Variants in NGEF observed in about 807,000 individuals in gnomAD.
NGEF encodes ephexin-1.
Under a neutral mutation model 80.9 loss-of-function variants are expected in NGEF, and 31 were observed. The ratio of observed to expected loss-of-function variants is 0.38; its 90% CI spans 0.29 to 0.52. NGEF has a LOEUF of 0.52. Ranked by LOEUF, NGEF falls within the 20% of genes least tolerant of loss-of-function variation. The pLI is 0.84. For synonymous variants in NGEF, 371 were observed against 370.2 expected, an observed-to-expected ratio of 1.00 and a Z score of -0.03; for missense variants, 709 against 926.2, an observed-to-expected ratio of 0.77 and a Z score of 3.04.
intron 3 of NGEF, among the ~76,000 whole-genome samples, chr2:232,945,489 A>G (rs13400104): frequency 0.13 from 19,671 of 152,084 alleles, 1,634 homozygotes; most frequent in Non-Finnish European, 0.17. Context: ...AGACACAGAC[A>G]CAGACACAGA....
At chr2:232,887,312 G>A (rs1056011332) in intron 9 of NGEF, among the ~76,000 whole-genome samples, 2 of 152,204 alleles carry the variant, frequency 1.3e-5, no homozygotes, top group Non-Finnish European at 1.5e-5. Flanking sequence ...AAACATACTC[G>A]CTGGCCCTTC....
intron 1 of NGEF, among the ~76,000 whole-genome samples, chr2:232,981,147 G>A (rs1694408455): frequency 1.5e-5 from 1 of 67,974 alleles, no homozygotes; most frequent in Admixed American, 1.4e-4. Flanking sequence ...GGCCTCCCAA[G>A]CACCTGGAAT....
Position 232,982,361 on chromosome 2 carries a change from G to A in NGEF, c.-74-7397C>T, listed in dbSNP as rs575194773. Among the ~76,000 whole-genome samples the A allele has an allele frequency of 2.2e-4, 34 of 152,226 alleles. 1 individual carries two copies. The South Asian group carries it at 7.1e-3, about 32-fold the overall frequency. ...AAGGGCTTGAACCTACCATCAAGGG[G>A]GCAGGAAGATGGGGCTTATTGAGGC... is the stretch of plus-strand genomic sequence containing the variant. On this transcript the variant is annotated intron_variant, in intron 1 of 14. Transcript: ENST00000264051.
At position 232,970,206 on chromosome 2, in the gene NGEF, T is replaced by A. The variant is rs192304791; in HGVS notation, c.383+8A>T. 25 of 1,528,006 alleles carry A rather than the reference T, an allele frequency of 1.6e-5. No individual in the cohort carries two copies. In the East Asian group the frequency reaches 5.9e-4, roughly 36 times the overall value. 94.7% of individuals were successfully genotyped at this position (1,528,006 alleles called of 1,614,324 possible). On this transcript the variant is annotated splice_region_variant and intron_variant, in intron 3 of 14. Coordinates refer to ENST00000264051, the MANE Select transcript of NGEF (RefSeq NM_019850.3). ...GACCAGCATTCCTCATGATCTGCCA[T>A]CTCTTACCTCATTTCCTGGGCTCCT...
chr2:232,985,527 C>T (rs1021493921), intron 1 of NGEF, among the ~76,000 whole-genome samples: 17 of 150,550 alleles, frequency 1.1e-4, no homozygotes, highest in Admixed American at 9.9e-4. Context: ...CTGAGGCGGG[C>T]GGATCACGAG....
intron 12 of NGEF, 87 bp from the exon 13 acceptor site, chr2:232,882,352 C>T: frequency 8.3e-7 from 1 of 1,201,312 alleles, no homozygotes; most frequent in Non-Finnish European, 1.2e-6. Flanking sequence ...CTAGCTGCCC[C>T]TCGGATCTGC....
chr2:232,935,437 G>T (rs1693309345), intron 3 of NGEF, among the ~76,000 whole-genome samples: 1 of 152,140 alleles, frequency 6.6e-6, no homozygotes, highest in Non-Finnish European at 1.5e-5. Flanking sequence ...GGCCAACATG[G>T]TAAAACCCTG....
intron 5 of NGEF, among the ~76,000 whole-genome samples, chr2:232,902,340 G>A (rs777584405): frequency 6.6e-6 from 1 of 152,190 alleles, no homozygotes; most frequent in Non-Finnish European, 1.5e-5. Flanking sequence ...GCCAGAGCCC[G>A]AGCCCAGCCC....
At chr2:232,966,613 CA>C (rs1694064095) in intron 3 of NGEF, among the ~76,000 whole-genome samples, 2 of 54,026 alleles carry the variant, frequency 3.7e-5, no homozygotes, top group Admixed American at 2.8e-4. Context: ...AGCACCCTGA[CA>C]ACTCCCCCAA....
intron 1 of NGEF, among the ~76,000 whole-genome samples, chr2:232,997,134 G>A (rs904673295): frequency 7.2e-5 from 9 of 124,462 alleles, no homozygotes; most frequent in African/African-American, 2.4e-4. Context: ...TTCTCACTCC[G>A]GCACTGGCCT....
chr2:232,891,394 A>C lies in NGEF; in HGVS notation c.1236T>G (p.Pro412=), dbSNP rs1402096174. The C allele has an allele frequency of 6.2e-6, 10 of 1,613,558 alleles. No homozygotes were observed. Among genetic ancestry groups the C allele is most frequent in the Non-Finnish European group, 7.6e-6 (9 of 1,179,976 alleles). ...GCTTGAGGCGTGTGATCCTCTGGAAAGGCAGGATGAGGAAGGAGGAGAAGG... is the reference window on the plus strand; with the variant it reads ...GCTTGAGGCGTGTGATCCTCTGGAACGGCAGGATGAGGAAGGAGGAGAAGG... The part of the protein sequence containing the change: ...GLPFSSFLIL[P]FQRITRLKLL... The change falls in exon 8 of 15, where the codon CCT becomes CCG. Residue 412 remains proline (P), a synonymous_variant. Transcript: ENST00000264051.
intron 10 of NGEF, 44 bp from the exon 11 acceptor site, chr2:232,884,188 C>T (rs1428690601): frequency 6.6e-7 from 1 of 1,525,472 alleles, no homozygotes; most frequent in Non-Finnish European, 8.8e-7. Context: ...CCCACAATGT[C>T]CCTCCCCAGG....
chr2:232,948,504 C>T (rs1693608953), intron 3 of NGEF, among the ~76,000 whole-genome samples: 1 of 151,956 alleles, frequency 6.6e-6, no homozygotes, highest in South Asian at 2.1e-4. Flanking sequence ...TAGTTTCACA[C>T]AGTTTAGGGG....
At position 232,927,834 on chromosome 2, in the gene NGEF, G is replaced by A; in HGVS notation, c.384-648C>T. ...GGGGTGCCCGGGACCCCGGGCGCAA[G>A]CTGGGAAAGAGGCACGCGGGGGCGG... On this transcript the variant is annotated intron_variant, in intron 3 of 14. Coordinates refer to ENST00000264051, the MANE Select transcript of NGEF (RefSeq NM_019850.3). 6.1e-6 allele frequency: 7 copies of A among 1,155,174 alleles called. 1 individual carries two copies. The highest frequency in any genetic ancestry group is 2.2e-6 in the Non-Finnish European group (2 of 915,850). The allele number at this position is 1,155,174 out of a possible 1,614,324, so 71.6% of individuals were successfully genotyped here. A position where few individuals can be genotyped will look rare whatever the true frequency, so the allele number is the denominator to read the frequency against.
chr2:232,979,513 A>G (rs1049697895), intron 1 of NGEF, among the ~76,000 whole-genome samples: 1 of 152,192 alleles, frequency 6.6e-6, no homozygotes, highest in Admixed American at 6.5e-5. Context: ...ATTCGTCTAT[A>G]ACGATTAACT....
intron 3 of NGEF, among the ~76,000 whole-genome samples, chr2:232,953,351 AAG>A (rs1035330510): frequency 2.2e-5 from 3 of 138,764 alleles, no homozygotes; most frequent in African/African-American, 7.8e-5. Flanking sequence ...GAAAGAGAGA[AAG>A]AAAGAAAGAA....
At chr2:232,955,243 C>T (rs527746725) in intron 3 of NGEF, among the ~76,000 whole-genome samples, 7 of 152,274 alleles carry the variant, frequency 4.6e-5, no homozygotes, top group Admixed American at 2.6e-4. Flanking sequence ...GGTCAGCTGC[C>T]GACCTGACAT....
chr2:232,905,095 T>C (rs990168136), intron 5 of NGEF, among the ~76,000 whole-genome samples: 53 of 149,216 alleles, frequency 3.6e-4, no homozygotes, highest in African/African-American at 5.0e-4. Context: ...CTCCCCTCTC[T>C]CTCCTCTCAC....
chr2:232,909,016 TGGTAGATAAC>T (rs1389338471), intron 5 of NGEF, among the ~76,000 whole-genome samples: 1 of 152,224 alleles, frequency 6.6e-6, no homozygotes, highest in East Asian at 1.9e-4. Context: ...AAACCGTAAC[TGGTAGATAAC>T]GGTAGATAAA....
Sources: gnomAD v4.1 joint callset for allele counts (sites outside exome capture counted in the v4.1 genomes callset) on GRCh38, gnomAD v4.1.1 for gene constraint, MANE v1.5 for transcripts, NCBI Gene and HGNC (gene_info 2026-07-23, HGNC 2026-07-21) for gene names.